Variants in INPP4B observed in about 807,000 individuals in gnomAD.
INPP4B encodes the protein inositol polyphosphate-4-phosphatase type II B, also known as inositol polyphosphate 4-phosphatase type II.
A neutral mutation model predicts 122.5 loss-of-function variants in INPP4B; 55 were observed. The observed-to-expected ratio is 0.45, with a 90% confidence interval of 0.36 to 0.56. INPP4B has a LOEUF of 0.56. INPP4B is among the 20% of genes least tolerant of loss of function. The pLI is 0.00. For missense variants in INPP4B, 1,000 were observed against 1,097.7 expected (o/e 0.91, Z 1.26); for synonymous variants, 403 against 388.7 (o/e 1.04, Z -0.43).
At chr4:142,519,979 G>C (rs1368731593) in intron 2 of INPP4B, among the ~76,000 whole-genome samples, 1 of 151,926 alleles carries the variant, frequency 6.6e-6, no homozygotes, top group Non-Finnish European at 1.5e-5. Context: ...TGAAAACACA[G>C]ATTATTTTAT....
At chr4:142,611,302 C>T (rs993325035) in intron 2 of INPP4B, among the ~76,000 whole-genome samples, 11 of 152,178 alleles carry the variant, frequency 7.2e-5, no homozygotes, top group African/African-American at 2.4e-4. Flanking sequence ...CACCTCCAGC[C>T]AGGTTCCGCC....
chr4:142,837,159 A>AATAATAATAATAATAAT (rs1782895733), intron 1 of INPP4B, among the ~76,000 whole-genome samples: 3 of 149,008 alleles, frequency 2.0e-5, no homozygotes, highest in African/African-American at 7.6e-5. Flanking sequence ...ACAGTCTCAA[A>AATAATAATAATAATAAT]AATAATAATA....
rs996242483 is a variant in INPP4B at position 142,743,471 on chromosome 4, A to C, written c.-253-17570T>G. Among the ~76,000 whole-genome samples, 3 of 152,000 alleles carry C rather than the reference A, an allele frequency of 2.0e-5. 1 individual carries two copies. The highest frequency in any genetic ancestry group is 4.8e-5 in the African/African-American group (2 of 41,434). On this transcript the variant is annotated intron_variant, in intron 1 of 25. Transcript: ENST00000262992. ...TTGAGCTATACTTGTCCAGGACAAG[A>C]ATACATGAGGCATTTTAGAGAGTTA...
chr4:142,041,053 C>T (rs1364812501), intron 25 of INPP4B, among the ~76,000 whole-genome samples: 9 of 151,970 alleles, frequency 5.9e-5, no homozygotes, highest in Admixed American at 5.9e-4. Flanking sequence ...CTCTTAGCTC[C>T]CAAATAAAAA....
chr4:142,212,141 A>G (rs1845173503), intron 12 of INPP4B, among the ~76,000 whole-genome samples: 1 of 152,246 alleles, frequency 6.6e-6, no homozygotes, highest in East Asian at 1.9e-4. Flanking sequence ...TACTTGTACC[A>G]TCTGAGTTGA....
chr4:142,446,877 T>C (rs1013056378), intron 3 of INPP4B, among the ~76,000 whole-genome samples: 1 of 152,184 alleles, frequency 6.6e-6, no homozygotes, highest in Non-Finnish European at 1.5e-5. Flanking sequence ...TAACCTAATA[T>C]ATTGCTTAAG....
intron 1 of INPP4B, among the ~76,000 whole-genome samples, chr4:142,737,160 C>A (rs1041546509): frequency 8.5e-5 from 13 of 152,246 alleles, no homozygotes; most frequent in South Asian, 2.1e-4. Context: ...CCAAGTCAAT[C>A]CTAAGCCAAA....
At chr4:142,660,843 A>G (rs1480950079) in intron 2 of INPP4B, 3 of 152,666 alleles carry the variant, frequency 2.0e-5, no homozygotes, top group African/African-American at 4.8e-5. Flanking sequence ...TTCTGCCGGG[A>G]ACCCTTAGAT....
chr4:142,309,729 C>T (rs890973256), intron 8 of INPP4B, among the ~76,000 whole-genome samples: 2 of 152,180 alleles, frequency 1.3e-5, no homozygotes, highest in African/African-American at 4.8e-5. Flanking sequence ...TTCTTGCCTG[C>T]TCATGACAAC....
At chr4:142,615,013 C>G (rs1033966648) in intron 2 of INPP4B, among the ~76,000 whole-genome samples, 3 of 152,046 alleles carry the variant, frequency 2.0e-5, no homozygotes, top group African/African-American at 7.2e-5. Flanking sequence ...ATAGAACTAC[C>G]CTTTGATTCA....
intron 11 of INPP4B, among the ~76,000 whole-genome samples, chr4:142,241,788 T>C (rs1257470057): frequency 1.3e-5 from 2 of 152,172 alleles, no homozygotes; most frequent in African/African-American, 4.8e-5. Flanking sequence ...CAAGAAATTT[T>C]GGAAATACAG....
At chr4:142,611,396 T>C (rs1742467625) in intron 2 of INPP4B, among the ~76,000 whole-genome samples, 1 of 152,184 alleles carries the variant, frequency 6.6e-6, no homozygotes, top group South Asian at 2.1e-4. Flanking sequence ...CTGGTATTTA[T>C]AAGCATCTGT....
At chr4:142,654,549 T>C (rs1753771976) in intron 2 of INPP4B, 1 of 152,162 alleles carries the variant, frequency 6.6e-6, no homozygotes, top group Admixed American at 6.5e-5. Flanking sequence ...ATTCTGCTAT[T>C]ATATTATTGT....
intron 2 of INPP4B, among the ~76,000 whole-genome samples, chr4:142,663,443 T>C (rs1165673183): frequency 6.6e-6 from 1 of 152,088 alleles, no homozygotes; most frequent in African/African-American, 2.4e-5. Context: ...TATAGATATA[T>C]TAATAGAAAT....
chr4:142,545,707 ATG>A (rs1333462165), intron 2 of INPP4B, among the ~76,000 whole-genome samples: 332 of 120,246 alleles, frequency 2.8e-3, no homozygotes, highest in African/African-American at 9.0e-3. Context: ...GTGTATATAT[ATG>A]TGTGTGTATA....
intron 21 of INPP4B, among the ~76,000 whole-genome samples, 196 bp from the exon 22 acceptor site, chr4:142,112,878 G>A (rs1790937974): frequency 6.6e-6 from 1 of 152,054 alleles, no homozygotes; most frequent in Non-Finnish European, 1.5e-5. Flanking sequence ...TCATTTACGT[G>A]TGTGATTTCT....
At chr4:142,129,711 A>G (rs897746655) in intron 18 of INPP4B, among the ~76,000 whole-genome samples, 2 of 152,070 alleles carry the variant, frequency 1.3e-5, no homozygotes, top group Non-Finnish European at 2.9e-5. Flanking sequence ...TCCTTCTCCA[A>G]CCAAGCCTTC....
intron 2 of INPP4B, among the ~76,000 whole-genome samples, chr4:142,480,052 G>A (rs1243143670): frequency 6.6e-6 from 1 of 152,138 alleles, no homozygotes; most frequent in East Asian, 1.9e-4. Context: ...TTATCCTTCT[G>A]ATTGTCACTC....
chr4:142,313,099 G>T (rs1481995798), intron 8 of INPP4B, among the ~76,000 whole-genome samples: 1 of 152,140 alleles, frequency 6.6e-6, no homozygotes, highest in Non-Finnish European at 1.5e-5. Context: ...AGGGGGAAAT[G>T]GTGGGAGGAG....
Sources: gnomAD v4.1 joint callset for allele counts (sites outside exome capture counted in the v4.1 genomes callset) on GRCh38, gnomAD v4.1.1 for gene constraint, MANE v1.5 for transcripts, NCBI Gene and HGNC (gene_info 2026-07-23, HGNC 2026-07-21) for gene names.